POU2F1: variants seen among roughly 807,000 people sequenced by gnomAD.
POU2F1 encodes POU domain, class 2, transcription factor 1.
In POU2F1, 16 loss-of-function variants were observed where a neutral mutation model predicts 84.9. That is an observed-to-expected ratio of 0.19 (90% confidence interval 0.13 to 0.29). The LOEUF (loss-of-function observed/expected upper bound fraction) is 0.29. POU2F1 is among the 10% of genes least tolerant of loss of function. POU2F1 has a pLI of 1.00. For synonymous variants in POU2F1, 368 were observed against 368.3 expected, an observed-to-expected ratio of 1.00 and a Z score of 0.01; for missense variants, 738 against 942.6, an observed-to-expected ratio of 0.78 and a Z score of 2.84.
At chr1:167,246,559 T>G (rs960590285) in intron 1 of POU2F1, among the ~76,000 whole-genome samples, 5 of 152,180 alleles carry the variant, frequency 3.3e-5, no homozygotes, top group Non-Finnish European at 4.4e-5. Context: ...ATCTAAGAAG[T>G]ATAAATTAAC....
intron 1 of POU2F1, among the ~76,000 whole-genome samples, chr1:167,315,641 T>A (rs1016348031): frequency 3.9e-5 from 6 of 151,960 alleles, no homozygotes; most frequent in African/African-American, 1.2e-4. Context: ...TGTTTGTTTG[T>A]TTGTTTGTTT....
intron 1 of POU2F1, among the ~76,000 whole-genome samples, chr1:167,235,281 A>T (rs1649364651): frequency 6.6e-6 from 1 of 152,144 alleles, no homozygotes; most frequent in South Asian, 2.1e-4. Context: ...TGCTCTGGCC[A>T]AGGAGAGTGG....
chr1:167,322,492 C>T (rs1326028824), intron 1 of POU2F1, among the ~76,000 whole-genome samples: 1 of 152,242 alleles, frequency 6.6e-6, no homozygotes, highest in Non-Finnish European at 1.5e-5. Flanking sequence ...AGGCAGAAGG[C>T]TCACAGCTTT....
chr1:167,360,932 TG>T (rs111523258), intron 2 of POU2F1, among the ~76,000 whole-genome samples: 5 of 152,036 alleles, frequency 3.3e-5, no homozygotes, highest in South Asian at 4.1e-4. Flanking sequence ...TATTCCTAGC[TG>T]GTTTTATTTT....
intron 13 of POU2F1, among the ~76,000 whole-genome samples, chr1:167,411,260 A>T (rs1362509569): frequency 6.6e-6 from 1 of 151,806 alleles, no homozygotes; most frequent in Non-Finnish European, 1.5e-5. Flanking sequence ...GGATGGTCTC[A>T]ATCTCTTGAC....
At chr1:167,353,945 A>G (rs1176232536) in intron 2 of POU2F1, among the ~76,000 whole-genome samples, 1 of 152,096 alleles carries the variant, frequency 6.6e-6, no homozygotes, top group African/African-American at 2.4e-5. Flanking sequence ...CACTCAAAAT[A>G]TTTTTCCATC....
intron 8 of POU2F1, among the ~76,000 whole-genome samples, chr1:167,387,616 C>T (rs1648077760): frequency 6.6e-6 from 1 of 152,138 alleles, no homozygotes; most frequent in African/African-American, 2.4e-5. Context: ...TTATATAACT[C>T]ATCTAAATTT....
intron 1 of POU2F1, among the ~76,000 whole-genome samples, chr1:167,274,107 T>C (rs1238693130): frequency 6.6e-6 from 1 of 152,116 alleles, no homozygotes; most frequent in African/African-American, 2.4e-5. Flanking sequence ...AGTTGAAGAG[T>C]AATAAGGTTG....
chr1:167,370,359 A>G (rs1178633886), intron 4 of POU2F1, 145 bp downstream of exon 4: 24 of 673,402 alleles, frequency 3.6e-5, no homozygotes, highest in Non-Finnish European at 4.1e-5. Flanking sequence ...TCAAATAATG[A>G]TAATTATTAC....
rs571030363 is a variant in POU2F1 at position 167,260,121 on chromosome 1, G to A, written c.61+39163G>A. 1.4e-4 allele frequency among the ~76,000 whole-genome samples: 21 copies of A among 152,132 alleles called. No homozygotes were observed. In the South Asian group the frequency reaches 2.1e-3, roughly 15 times the overall value. On this transcript the variant is annotated intron_variant, in intron 1 of 15. Transcript: ENST00000367866. ...TCTCGATCTCCTGACCTCGTGATCC[G>A]CCCGCCTCAGCTTCCCAAAGTGCTG...
intron 1 of POU2F1, chr1:167,329,230 T>G: frequency 6.5e-7 from 1 of 1,543,660 alleles, no homozygotes; most frequent in Non-Finnish European, 8.8e-7. Context: ...AACTGCTACC[T>G]GTTTCTTCCT....
intron 13 of POU2F1, among the ~76,000 whole-genome samples, chr1:167,409,644 C>T (rs958169780): frequency 2.6e-5 from 4 of 152,158 alleles, no homozygotes; most frequent in African/African-American, 9.7e-5. Flanking sequence ...TCATCATCTT[C>T]TGGCCTAGGT....
intron 1 of POU2F1, among the ~76,000 whole-genome samples, chr1:167,242,190 A>G (rs932676792): frequency 6.6e-6 from 1 of 152,222 alleles, no homozygotes; most frequent in Non-Finnish European, 1.5e-5. Context: ...TTATGGTTTA[A>G]CTAAGAAGCA....
chr1:167,375,998 T>C, intron 6 of POU2F1, 31 bp from the exon 7 acceptor site: 1 of 1,613,216 alleles, frequency 6.2e-7, no homozygotes, highest in South Asian at 1.1e-5. Context: ...TTTCAGAATC[T>C]CCAATCCATG....
intron 2 of POU2F1, among the ~76,000 whole-genome samples, chr1:167,363,482 A>G (rs1659475134): frequency 6.6e-6 from 1 of 152,234 alleles, no homozygotes; most frequent in South Asian, 2.1e-4. Flanking sequence ...AGATAGAGAT[A>G]ACAACTAATG....
At chr1:167,340,373 C>T (rs1657755190) in intron 2 of POU2F1, among the ~76,000 whole-genome samples, 1 of 151,978 alleles carries the variant, frequency 6.6e-6, no homozygotes, top group Non-Finnish European at 1.5e-5. Context: ...AGCAACTGCA[C>T]CCAGCCCAGA....
At chr1:167,378,640 G>A (rs373359787) in intron 7 of POU2F1, among the ~76,000 whole-genome samples, 7 of 151,294 alleles carry the variant, frequency 4.6e-5, no homozygotes, top group East Asian at 3.9e-4. Context: ...TCCTGATCTC[G>A]GGTGATCCGC....
intron 7 of POU2F1, 59 bp downstream of exon 7, chr1:167,376,214 C>T: frequency 6.6e-7 from 1 of 1,521,836 alleles, no homozygotes; most frequent in Non-Finnish European, 8.9e-7. Context: ...GAATGTTACA[C>T]ATGCATGAAC....
rs141413342 is a variant in POU2F1 at position 167,257,642 on chromosome 1, T to C, written c.61+36684T>C. ...GTAAGTGATTGCATTGTAGGAAATA[T>C]TAAGGGATCTATTTAGACAAGACTT... is the stretch of plus-strand genomic sequence containing the variant. On this transcript the variant is annotated intron_variant, in intron 1 of 15. Transcript: ENST00000367866. Among the ~76,000 whole-genome samples, 492 of 152,288 alleles carry C rather than the reference T, an allele frequency of 3.2e-3. 1 individual carries two copies. Among genetic ancestry groups the C allele is most frequent in the Non-Finnish European group, 6.0e-3 (407 of 68,036 alleles).
Sources: allele counts gnomAD v4.1 joint callset (sites outside exome capture counted in the v4.1 genomes callset), GRCh38; gene constraint gnomAD v4.1.1; transcripts MANE v1.5; gene names NCBI Gene and HGNC (gene_info 2026-07-23, HGNC 2026-07-21).